The following MUC4 variants were observed in gnomAD, a reference collection of about 807,000 sequenced individuals.
The protein encoded by MUC4 is mucin-4.
A neutral mutation model predicts 257.9 loss-of-function variants in MUC4; 202 were observed. The observed-to-expected ratio is 0.78, with a 90% CI of 0.70 to 0.88. The LOEUF is 0.88. MUC4 is among the 40% of genes least tolerant of loss of function. MUC4 has a pLI of 0.00. For synonymous variants in MUC4, 2,351 were observed against 2,757.1 expected, an observed-to-expected ratio of 0.85 and a Z score of 4.62; for missense variants, 5,976 against 6,513.7, an observed-to-expected ratio of 0.92 and a Z score of 2.84.
At chr3:195,758,488 A>T (rs1201524441) in intron 17 of MUC4, among the ~76,000 whole-genome samples, 2 of 152,156 alleles carry the variant, frequency 1.3e-5, no homozygotes, top group Admixed American at 6.5e-5. Context: ...TAAATGTTGC[A>T]CTTGATTATT....
chr3:195,758,409 T>C (rs1718084145), intron 17 of MUC4, among the ~76,000 whole-genome samples: 1 of 152,152 alleles, frequency 6.6e-6, no homozygotes, highest in Admixed American at 6.5e-5. Flanking sequence ...TTTTTCATAT[T>C]TCTTTAAATC....
chr3:195,770,380 G>A lies in MUC4; in HGVS notation c.13243-9C>T. 1 of 1,613,338 alleles carries A rather than the reference G, an allele frequency of 6.2e-7. No individual in the cohort carries two copies. Among genetic ancestry groups the A allele is most frequent in the East Asian group, 2.2e-5 (1 of 44,856 alleles). The stretch of plus-strand genomic sequence containing the variant: ...TAGAACGTCTCGTATTCCTAGGAAA[G>A]GAGGGCAGATGAAAACAAGCCAACG... On this transcript the variant is annotated splice_polypyrimidine_tract_variant and intron_variant, in intron 5 of 24. Transcript: ENST00000463781.
chr3:195,761,333 C>G, intron 15 of MUC4, 151 bp downstream of exon 15: 1 of 750,916 alleles, frequency 1.3e-6, no homozygotes, highest in South Asian at 1.7e-5. Context: ...GGCAGGTGGG[C>G]TGGTGGTGGT....
At chr3:195,747,580 C>T (rs1344657952) in intron 24 of MUC4, among the ~76,000 whole-genome samples, 200 bp from the exon 25 acceptor site, 2 of 152,272 alleles carry the variant, frequency 1.3e-5, no homozygotes, top group Non-Finnish European at 2.9e-5. Flanking sequence ...AAAACATGGG[C>T]CTGGGCCGGC....
rs781339655 is a variant in MUC4, at chr3:195,778,776, C to T, written c.12790+14G>A. On this transcript the variant is annotated intron_variant, in intron 2 of 24. Transcript: ENST00000463781. ...CCCACTGGGAGACATAAAGGCGAGG[C>T]AGTTGGCAGCTACCTGGTGTTTCCA... is the stretch of plus-strand genomic sequence containing the variant. 8.1e-6 allele frequency: 13 copies of T among 1,600,552 alleles called. No individual in the cohort carries two copies. The highest frequency in any genetic ancestry group is 2.2e-5 in the South Asian group (2 of 89,268).
At chr3:195,806,319 G>C (rs75411247) in intron 1 of MUC4, among the ~76,000 whole-genome samples, 1 of 151,976 alleles carries the variant, frequency 6.6e-6, no homozygotes, top group African/African-American at 2.4e-5. Context: ...TCAGCTCCCC[G>C]CAGAACGGTT....
chr3:195,748,617 AC>A (rs1180188894), intron 24 of MUC4, among the ~76,000 whole-genome samples: 1 of 152,270 alleles, frequency 6.6e-6, no homozygotes, highest in Non-Finnish European at 1.5e-5. Flanking sequence ...CTGCTGCTTA[AC>A]CTACTGCGTC....
At position 195,790,179 on chromosome 3, in the gene MUC4, C is replaced by T; in HGVS notation, c.1401G>A (p.Glu467=). Residue 467 remains glutamate, a synonymous_variant, in exon 2 of 25, where the codon GAG becomes GAA. Transcript: ENST00000463781. ...ACACACCTGGAGAGAATGAGCTCCT[C>T]TCATGAGGCCGTCCTGTGGTCTCTG... ...EGAETTGRPH[E]RSSFSPGVSQ... is the part of the protein sequence containing the mutation. The T allele has an allele frequency of 6.2e-7, 1 of 1,614,036 alleles. No homozygotes were observed. Among genetic ancestry groups the T allele is most frequent in the Non-Finnish European group, 8.5e-7 (1 of 1,179,904 alleles).
Position 195,783,865 on chromosome 3 carries a change from C to T in MUC4, c.7715G>A (p.Gly2572Asp), listed in dbSNP as rs1349879392. 15 of 1,507,538 alleles carry T rather than the reference C, an allele frequency of 9.9e-6. No homozygotes were observed. The East Asian group carries it at 2.5e-4, about 25-fold the overall frequency. The allele number at this position is 1,507,538 out of a possible 1,614,324, so 93.4% of individuals were successfully genotyped here. The change falls in exon 2 of 25, where the codon GGT becomes GAT. Residue 2572 changes from glycine to aspartate, a missense_variant. Physicochemically the swap from Gly to Asp is moderately conservative, Grantham distance 94 (BLOSUM62 -1). Transcript: ENST00000463781. ...GGTGACAGGAAGAGGGGTGGCGTGACCTGTGGATGCTGCGGAAGTGTCGGT... is the reference window on the plus strand; with the variant it reads ...GGTGACAGGAAGAGGGGTGGCGTGATCTGTGGATGCTGCGGAAGTGTCGGT... ...PVTDTSAAST[G>D]HATPLPVTST...
intron 2 of MUC4, 100 bp downstream of exon 2, chr3:195,778,690 C>A (rs1311145333): frequency 7.2e-6 from 10 of 1,386,910 alleles, no homozygotes; most frequent in African/African-American, 1.4e-5. Context: ...CACGGCCCCA[C>A]CAGGTAATGC....
intron 21 of MUC4, chr3:195,752,047 G>A: frequency 2.8e-6 from 1 of 351,008 alleles, no homozygotes. Context: ...AGAAGAGGGA[G>A]CCGCCCGTTC....
chr3:195,770,868 A>G (rs1484377440), intron 5 of MUC4: 1 of 458,728 alleles, frequency 2.2e-6, no homozygotes, highest in African/African-American at 2.0e-5. Flanking sequence ...CACTCTTGTT[A>G]GGATAGACCC....
Position 195,765,084 on chromosome 3 carries a change from T to G in MUC4, c.13837A>C (p.Thr4613Pro). ...GLGSRQLCSF[T>P]SWRGGVCCSY... ...CAGCACACGCCTCCTCGCCAAGAGG[T>G]GAAGCTGCACAGCTGCCTACTGCCG... The change falls in exon 10 of 25, where the codon ACC (threonine) becomes CCC (proline). Residue 4613 changes from threonine to proline, a missense_variant. This residue lies in a region of MUC4 where 996 missense variants were observed against 1,137.3 expected (regional missense o/e 0.88). Coordinates refer to ENST00000463781, the MANE Select transcript of MUC4 (RefSeq NM_018406.7). 6.2e-7 allele frequency: 1 copy of G among 1,613,414 alleles called. No individual in the cohort carries two copies. The highest frequency in any genetic ancestry group is 1.1e-5 in the South Asian group (1 of 91,060).
At chr3:195,759,562 G>A (rs1021105095) in intron 16 of MUC4, among the ~76,000 whole-genome samples, 1 of 152,172 alleles carries the variant, frequency 6.6e-6, no homozygotes, top group Non-Finnish European at 1.5e-5. Flanking sequence ...TTAGAGAGCA[G>A]ATTTGTTTGG....
rs531950841 is a variant in MUC4, at chr3:195,773,682, G to A, written c.13077+490C>T. On this transcript the variant is annotated intron_variant, in intron 4 of 24. Transcript: ENST00000463781. ...CAGGTGTGGACACCCTCTCGCCATC[G>A]CTCAGCAGGTGTGGACACCCTCTCG... 3.8e-3 allele frequency among the ~76,000 whole-genome samples: 451 copies of A among 118,112 alleles called. 26 individuals are homozygous for A. The highest frequency in any genetic ancestry group is 5.6e-3 in the South Asian group (17 of 3,030). The allele number at this position is 118,112 out of a possible 152,430, so 77.5% of individuals were successfully genotyped here. A position where few individuals can be genotyped will look rare whatever the true frequency, so the allele number is the denominator to read the frequency against.
rs1715129666 is a variant in MUC4 at position 195,746,884 on chromosome 3, TC to T, written c.*291del. On this transcript the variant is annotated 3_prime_UTR_variant, in exon 25 of 25. Transcript: ENST00000463781. ...TTAGGGCCATCACCACATTATGAAC[TC>T]GTGTGTGTGTGTGTGTGTGTGCACG... 2 of 401,892 alleles carry T rather than the reference TC, an allele frequency of 5.0e-6. No individual in the cohort carries two copies. Among genetic ancestry groups the T allele is most frequent in the Admixed American group, 4.6e-5 (1 of 21,946 alleles). The allele number at this position is 401,892 out of a possible 1,614,324, so 24.9% of individuals were successfully genotyped here.
At chr3:195,766,598 T>C in intron 8 of MUC4, 65 bp downstream of exon 8, 1 of 1,427,134 alleles carries the variant, frequency 7.0e-7, no homozygotes, top group Non-Finnish European at 9.9e-7. Flanking sequence ...ACTGCGATGG[T>C]GTATGGGCTG....
chr3:195,754,906 T>C (rs1432299791), intron 18 of MUC4, among the ~76,000 whole-genome samples: 16 of 43,652 alleles, frequency 3.7e-4, no homozygotes, highest in South Asian at 2.8e-3. Flanking sequence ...TGTATGTATG[T>C]GTGTGTCATG....
chr3:195,757,468 G>A lies in MUC4; in HGVS notation c.14987-140C>T. 1 of 811,566 alleles carries A rather than the reference G, an allele frequency of 1.2e-6. No homozygotes were observed. The highest frequency in any genetic ancestry group is 1.9e-6 in the Non-Finnish European group (1 of 518,700). 50.3% of individuals were successfully genotyped at this position (811,566 alleles called of 1,614,324 possible). On this transcript the variant is annotated intron_variant, in intron 17 of 24. Coordinates refer to ENST00000463781, the MANE Select transcript of MUC4 (RefSeq NM_018406.7). This position sits in a 1 kb window ranked among gnomAD's most constrained non-coding sequence, Gnocchi z 4.8. ...AAATCTCATTGGTCATTTCCTTTGA[G>A]CAAGGCTGGTATCGGGGGTGATCCT...
Sources: gnomAD v4.1 joint callset for allele counts (sites outside exome capture counted in the v4.1 genomes callset) on GRCh38, gnomAD v4.1.1 for gene constraint, gnomAD v4.1.1 regional missense constraint, Gnocchi (gnomAD v3.1) non-coding constraint, MANE v1.5 for transcripts, NCBI Gene and HGNC (gene_info 2026-07-23, HGNC 2026-07-21) for gene names.